Variants in FRY observed in about 807,000 individuals in gnomAD.
The protein encoded by FRY is FRY microtubule binding protein.
FRY carries 128 observed loss-of-function variants against 348.4 expected under a neutral mutation model. The observed-to-expected ratio is 0.37, with a 90% CI of 0.32 to 0.43. The LOEUF is 0.43. FRY is among the 20% of genes least tolerant of loss of function. FRY has a pLI of 1.00. For missense variants in FRY, 2,736 were observed against 3,695.2 expected, an observed-to-expected ratio of 0.74 and a Z score of 6.73; for synonymous variants, 1,370 against 1,374.7, an observed-to-expected ratio of 1.00 and a Z score of 0.08.
At chr13:32,034,410 TCTC>T (rs1566038950) in intron 1 of FRY, among the ~76,000 whole-genome samples, 1 of 152,196 alleles carries the variant, frequency 6.6e-6, no homozygotes, top group Admixed American at 6.5e-5. Flanking sequence ...ATTTTGGTGT[TCTC>T]CTCTTTATCG....
chr13:32,143,420 A>ATC (rs1483120608), intron 11 of FRY, among the ~76,000 whole-genome samples: 2 of 152,212 alleles, frequency 1.3e-5, no homozygotes, highest in Non-Finnish European at 2.9e-5. Context: ...AGCAAAAATA[A>ATC]TCTCAAAAAT....
chr13:32,192,970 T>A (rs545941245), intron 28 of FRY, among the ~76,000 whole-genome samples: 16 of 151,986 alleles, frequency 1.1e-4, no homozygotes, highest in African/African-American at 3.9e-4. Context: ...CTCAAACTCC[T>A]GACCTCAAGT....
chr13:32,050,166 T>G (rs1362888537), intron 1 of FRY, among the ~76,000 whole-genome samples: 1 of 152,220 alleles, frequency 6.6e-6, no homozygotes, highest in African/African-American at 2.4e-5. Context: ...ACATTTTAGA[T>G]GGCCACATGA....
chr13:32,281,168 T>A (rs1471205789), intron 58 of FRY, among the ~76,000 whole-genome samples: 3 of 152,186 alleles, frequency 2.0e-5, no homozygotes, highest in Non-Finnish European at 4.4e-5. Flanking sequence ...CTGTTAGCAT[T>A]ACTATAAAGG....
intron 1 of FRY, among the ~76,000 whole-genome samples, chr13:32,056,394 C>T (rs1441913493): frequency 1.3e-5 from 2 of 152,096 alleles, no homozygotes; most frequent in African/African-American, 4.8e-5. Flanking sequence ...TAGTGGCCCT[C>T]CTAATACACA....
At chr13:32,058,370 T>A (rs1210882013) in intron 1 of FRY, among the ~76,000 whole-genome samples, 2 of 152,200 alleles carry the variant, frequency 1.3e-5, no homozygotes, top group Non-Finnish European at 2.9e-5. Flanking sequence ...CACATCTAAA[T>A]GAATTCAGAT....
chr13:32,271,335 C>T (rs1050390397), intron 55 of FRY, among the ~76,000 whole-genome samples: 1 of 152,172 alleles, frequency 6.6e-6, no homozygotes, highest in African/African-American at 2.4e-5. Context: ...GAAGTGAAAA[C>T]AGTGTCTATG....
chr13:32,177,272 C>T (rs1882420331), intron 20 of FRY, among the ~76,000 whole-genome samples: 1 of 152,018 alleles, frequency 6.6e-6, no homozygotes, highest in East Asian at 1.9e-4. Flanking sequence ...TTTATTTTTG[C>T]TTGCTATCAT....
intron 4 of FRY, among the ~76,000 whole-genome samples, chr13:32,118,848 A>G (rs1878470372): frequency 6.6e-6 from 1 of 152,210 alleles, no homozygotes; most frequent in Non-Finnish European, 1.5e-5. Flanking sequence ...AGAAATTAAA[A>G]GGATCATTTT....
chr13:32,145,253 A>C (rs889260247), intron 11 of FRY, among the ~76,000 whole-genome samples: 1 of 152,162 alleles, frequency 6.6e-6, no homozygotes, highest in Admixed American at 6.5e-5. Flanking sequence ...ATTTCTATAT[A>C]GAAAGGATTA....
At chr13:32,241,037 A>G (rs887036160) in intron 46 of FRY, among the ~76,000 whole-genome samples, 5 of 152,158 alleles carry the variant, frequency 3.3e-5, no homozygotes, top group African/African-American at 7.2e-5. Flanking sequence ...CCACATCCAC[A>G]TCTCTGACAT....
intron 32 of FRY, 21 bp downstream of exon 32, chr13:32,209,130 C>T (rs762702590): frequency 2.5e-6 from 4 of 1,613,692 alleles, no homozygotes; most frequent in Non-Finnish European, 3.4e-6. Flanking sequence ...AGGAATTGTG[C>T]TTCAAATAGC....
At chr13:32,250,083 C>A (rs1478612834) in intron 49 of FRY, among the ~76,000 whole-genome samples, 4 of 152,200 alleles carry the variant, frequency 2.6e-5, no homozygotes, top group Admixed American at 6.5e-5. Flanking sequence ...GCTGCACACC[C>A]AAAGACCACC....
intron 24 of FRY, 57 bp downstream of exon 24, chr13:32,183,091 T>C: frequency 2.0e-6 from 2 of 1,020,470 alleles, no homozygotes; most frequent in Non-Finnish European, 1.5e-6. Context: ...CATCTGAATT[T>C]AAATCAAACC....
At chr13:32,235,979 AT>A in intron 42 of FRY, 98 bp from the exon 43 acceptor site, 1 of 891,028 alleles carries the variant, frequency 1.1e-6, no homozygotes, top group Middle Eastern at 2.1e-4. Flanking sequence ...TAAAGCAGCA[AT>A]AACATTATTG....
At chr13:32,219,711 A>T (rs1465739551) in intron 36 of FRY, among the ~76,000 whole-genome samples, 1 of 152,020 alleles carries the variant, frequency 6.6e-6, no homozygotes, top group Non-Finnish European at 1.5e-5. Flanking sequence ...GTGAGCCGAG[A>T]TCGCGCCACT....
chr13:32,219,341 G>A lies in FRY; in HGVS notation c.4765+510G>A, dbSNP rs1156239178. Among the ~76,000 whole-genome samples the A allele has an allele frequency of 1.3e-4, 20 of 149,362 alleles. No individual in the cohort carries two copies. In the South Asian group the frequency reaches 1.9e-3, roughly 14 times the overall value. ...CCTGACCTCATGATCCGCCCGCCTC[G>A]GCCTCCCAAAGTGCTGGGATTACAG... On this transcript the variant is annotated intron_variant, in intron 36 of 60. Coordinates refer to ENST00000542859, the MANE Select transcript of FRY (RefSeq NM_023037.3).
chr13:32,117,560 G>T, intron 4 of FRY, 87 bp downstream of exon 4: 1 of 1,376,682 alleles, frequency 7.3e-7, no homozygotes, highest in Non-Finnish European at 1.0e-6. Flanking sequence ...AAGGCAATTG[G>T]GTCTTCCTGA....
intron 55 of FRY, among the ~76,000 whole-genome samples, chr13:32,272,690 T>C (rs1197003896): frequency 6.6e-6 from 1 of 151,784 alleles, no homozygotes; most frequent in Admixed American, 6.6e-5. Context: ...CATTGTGCAC[T>C]AGAAGTTCAG....
Sources: allele counts gnomAD v4.1 joint callset (sites outside exome capture counted in the v4.1 genomes callset), GRCh38; gene constraint gnomAD v4.1.1; transcripts MANE v1.5; gene names NCBI Gene and HGNC (gene_info 2026-07-23, HGNC 2026-07-21).